The following TFCP2 variants were observed in gnomAD, a reference collection of about 807,000 sequenced individuals.
TFCP2 encodes transcription factor CP2.
In TFCP2, 33 loss-of-function variants were observed where a neutral mutation model predicts 73.4. That is an observed-to-expected ratio of 0.45 (90% CI 0.34 to 0.60). The LOEUF (loss-of-function observed/expected upper bound fraction) is 0.60, where lower values mean the gene tolerates loss of function less well. Among genes scored for constraint, TFCP2 ranks in the 20% least tolerant of loss-of-function variants. TFCP2 has a pLI of 0.01. For synonymous variants in TFCP2, 193 were observed against 211.6 expected, an observed-to-expected ratio of 0.91 and a Z score of 0.76; for missense variants, 352 against 604.0, an observed-to-expected ratio of 0.58 and a Z score of 4.37.
At chr12:51,121,074 C>T (rs1320156236) in intron 1 of TFCP2, among the ~76,000 whole-genome samples, 1 of 151,710 alleles carries the variant, frequency 6.6e-6, no homozygotes, top group Non-Finnish European at 1.5e-5. Flanking sequence ...CCACAGAGTA[C>T]TTCTGGGTAC....
chr12:51,136,001 TAAAC>T (rs1941052172), intron 1 of TFCP2, among the ~76,000 whole-genome samples: 1 of 152,054 alleles, frequency 6.6e-6, no homozygotes, highest in Non-Finnish European at 1.5e-5. Context: ...AATATAGCAA[TAAAC>T]AAGTTAAAGA....
At chr12:51,123,359 A>G (rs977324021) in intron 1 of TFCP2, among the ~76,000 whole-genome samples, 5 of 152,208 alleles carry the variant, frequency 3.3e-5, no homozygotes, top group African/African-American at 1.2e-4. Flanking sequence ...TCCTAGAGAT[A>G]GAGGTTAAAG....
intron 1 of TFCP2, among the ~76,000 whole-genome samples, chr12:51,121,147 G>A (rs1024537466): frequency 2.0e-5 from 3 of 151,912 alleles, no homozygotes; most frequent in Admixed American, 6.6e-5. Context: ...GGCTAGGCAC[G>A]GTATGGCTCA....
At chr12:51,157,681 C>T (rs114329556) in intron 1 of TFCP2, among the ~76,000 whole-genome samples, 866 of 77,340 alleles carry the variant, frequency 0.011, 28 homozygotes, top group African/African-American at 0.037. Context: ...TTTTTCTTTT[C>T]TTTTCTTTTT....
At chr12:51,131,037 G>T (rs969304321) in intron 1 of TFCP2, among the ~76,000 whole-genome samples, 1 of 149,880 alleles carries the variant, frequency 6.7e-6, no homozygotes, top group Non-Finnish European at 1.5e-5. Flanking sequence ...ACAAAACAAG[G>T]ACTAGACGCA....
At chr12:51,098,002 G>T (rs1440417853) in intron 13 of TFCP2, among the ~76,000 whole-genome samples, 2 of 151,720 alleles carry the variant, frequency 1.3e-5, no homozygotes, top group South Asian at 4.2e-4. Context: ...GCGACAGAGT[G>T]AGACTCTGTC....
At chr12:51,124,313 C>T (rs1216455162) in intron 1 of TFCP2, among the ~76,000 whole-genome samples, 1 of 152,148 alleles carries the variant, frequency 6.6e-6, no homozygotes, top group Non-Finnish European at 1.5e-5. Context: ...TCAGACTGGT[C>T]TTGAACTCCT....
chr12:51,109,443 T>C (rs910873673), intron 5 of TFCP2, among the ~76,000 whole-genome samples, 170 bp from the exon 6 acceptor site: 2 of 152,112 alleles, frequency 1.3e-5, no homozygotes, highest in South Asian at 2.1e-4. Context: ...ATAGAGGAAA[T>C]AGAAAAATGC....
At chr12:51,119,799 T>C (rs1302092073) in intron 1 of TFCP2, among the ~76,000 whole-genome samples, 1 of 151,674 alleles carries the variant, frequency 6.6e-6, no homozygotes, top group East Asian at 1.9e-4. Flanking sequence ...ACCATGCATC[T>C]ATTGACCCAG....
chr12:51,148,903 T>C (rs1941357973), intron 1 of TFCP2, among the ~76,000 whole-genome samples: 1 of 150,084 alleles, frequency 6.7e-6, no homozygotes, highest in Admixed American at 6.7e-5. Context: ...CAGGCACCTG[T>C]AATTCCAGCT....
At chr12:51,140,439 C>CTTTTTTTTTTTTT (rs1566221235) in intron 1 of TFCP2, among the ~76,000 whole-genome samples, 1 of 98,316 alleles carries the variant, frequency 1.0e-5, no homozygotes, top group African/African-American at 4.0e-5. Flanking sequence ...TCTTTCTTTT[C>CTTTTTTTTTTTTT]TTTTTCTTTT....
chr12:51,142,140 A>G (rs1444571639), intron 1 of TFCP2, among the ~76,000 whole-genome samples: 4 of 120,090 alleles, frequency 3.3e-5, no homozygotes, highest in Non-Finnish European at 6.5e-5. Flanking sequence ...CAAGGCGGAG[A>G]TTGCAGTGAG....
At chr12:51,098,036 G>T (rs913421041) in intron 13 of TFCP2, among the ~76,000 whole-genome samples, 1 of 151,658 alleles carries the variant, frequency 6.6e-6, no homozygotes, top group African/African-American at 2.4e-5. Flanking sequence ...GTTACAGTAA[G>T]ATAAAATTCA....
At chr12:51,121,715 C>G (rs1344876365) in intron 1 of TFCP2, among the ~76,000 whole-genome samples, 1 of 151,982 alleles carries the variant, frequency 6.6e-6, no homozygotes, top group African/African-American at 2.4e-5. Context: ...ATCTGCCCAC[C>G]TCAGCCTCCC....
At chr12:51,116,878 A>C (rs1001873977) in intron 3 of TFCP2, among the ~76,000 whole-genome samples, 1 of 152,128 alleles carries the variant, frequency 6.6e-6, no homozygotes, top group Non-Finnish European at 1.5e-5. Context: ...CAGCCTCTCA[A>C]AGTGCTGGGA....
intron 6 of TFCP2, 40 bp from the exon 7 acceptor site, chr12:51,107,386 C>T (rs112916785): frequency 6.5e-7 from 1 of 1,530,522 alleles, no homozygotes; most frequent in Non-Finnish European, 8.9e-7. Flanking sequence ...CAGGTACTCA[C>T]CTTTTAACCC....
At chr12:51,148,070 C>G (rs951398573) in intron 1 of TFCP2, among the ~76,000 whole-genome samples, 4 of 151,998 alleles carry the variant, frequency 2.6e-5, no homozygotes, top group Non-Finnish European at 5.9e-5. Context: ...AAATGAAAAT[C>G]AAAACCTCCA....
chr12:51,110,837 G>A (rs1940381134), intron 5 of TFCP2, 40 bp downstream of exon 5: 1 of 1,327,782 alleles, frequency 7.5e-7, no homozygotes, highest in Non-Finnish European at 1.1e-6. Flanking sequence ...TAGTAAGAGA[G>A]ATACTCTTCA....
chr12:51,125,310 G>T, intron 1 of TFCP2: 1 of 535,734 alleles, frequency 1.9e-6, no homozygotes, highest in Non-Finnish European at 3.6e-6. Context: ...ACAGCTCTGT[G>T]CCCAACATCC....
Sources: gnomAD v4.1 joint callset for allele counts (sites outside exome capture counted in the v4.1 genomes callset) on GRCh38, gnomAD v4.1.1 for gene constraint, MANE v1.5 for transcripts, NCBI Gene and HGNC (gene_info 2026-07-23, HGNC 2026-07-21) for gene names.